Variants in PIK3AP1 observed in about 807,000 individuals in gnomAD.
PIK3AP1 encodes phosphoinositide 3-kinase adapter protein 1.
A neutral mutation model predicts 88.1 loss-of-function variants in PIK3AP1; 21 were observed. That is an observed-to-expected ratio of 0.24 (90% CI 0.17 to 0.34). The LOEUF (loss-of-function observed/expected upper bound fraction) is 0.34. Among genes scored for constraint, PIK3AP1 ranks in the 10% least tolerant of loss-of-function variants. The probability of loss-of-function intolerance (pLI) is 1.00; values close to 1 mark genes in which losing one functional copy is unlikely to be tolerated. For missense variants in PIK3AP1, 828 were observed against 1,035.7 expected (o/e 0.80, Z 2.75); for synonymous variants, 398 against 400.0 (o/e 1.00, Z 0.06).
At chr10:96,601,745 G>GAC (rs1848900929) in intron 16 of PIK3AP1, among the ~76,000 whole-genome samples, 1 of 152,128 alleles carries the variant, frequency 6.6e-6, no homozygotes, top group Non-Finnish European at 1.5e-5. Context: ...AATTTTAAAA[G>GAC]TTGACATTTT....
intron 16 of PIK3AP1, among the ~76,000 whole-genome samples, chr10:96,598,862 C>G (rs1293043430): frequency 6.6e-6 from 1 of 152,204 alleles, no homozygotes; most frequent in African/African-American, 2.4e-5. Flanking sequence ...AGTGGCAGAG[C>G]TCACTGGGAA....
chr10:96,696,077 A>G (rs1055073292), intron 2 of PIK3AP1, among the ~76,000 whole-genome samples: 1 of 152,206 alleles, frequency 6.6e-6, no homozygotes, highest in African/African-American at 2.4e-5. Context: ...CTTTTCTGCA[A>G]CTGGGACATT....
intron 8 of PIK3AP1, among the ~76,000 whole-genome samples, chr10:96,640,483 C>G (rs1157568381): frequency 6.6e-6 from 1 of 152,070 alleles, no homozygotes; most frequent in Non-Finnish European, 1.5e-5. Context: ...ATATCATTCT[C>G]CAAGGTAAGG....
intron 2 of PIK3AP1, among the ~76,000 whole-genome samples, chr10:96,662,461 G>C (rs1843700923): frequency 6.6e-6 from 1 of 151,848 alleles, no homozygotes; most frequent in African/African-American, 2.4e-5. Context: ...AAATTAGCCA[G>C]GCATGGTGGT....
chr10:96,687,276 AAAAAAAAAAG>A lies in PIK3AP1; in HGVS notation c.430+22281_430+22290del, dbSNP rs1187775714. On this transcript the variant is annotated intron_variant, in intron 2 of 16. Coordinates refer to ENST00000339364, the MANE Select transcript of PIK3AP1 (RefSeq NM_152309.3). ...ATCTCAAAAAAAAAAAAAAAAAAAAAAAAAAAAAAGAAAAAAGATCTCCTCCTTTCAAGGA... is the reference window on the plus strand; with the variant it reads ...ATCTCAAAAAAAAAAAAAAAAAAAAAAAAAAAGATCTCCTCCTTTCAAGGA... Among the ~76,000 whole-genome samples, 684 of 135,500 alleles carry A rather than the reference AAAAAAAAAAG, an allele frequency of 5.0e-3. 29 individuals are homozygous for A. The highest frequency in any genetic ancestry group is 0.024 in the African/African-American group (639 of 26,884). 88.9% of individuals were successfully genotyped at this position (135,500 alleles called of 152,430 possible).
intron 1 of PIK3AP1, among the ~76,000 whole-genome samples, chr10:96,715,616 C>T (rs79957635): frequency 0.013 from 2,024 of 152,232 alleles, 61 homozygotes; most frequent in African/African-American, 0.046. Flanking sequence ...TGAGGCTGGG[C>T]GCGGTGGCTC....
At chr10:96,616,259 A>T (rs1278116678) in intron 13 of PIK3AP1, among the ~76,000 whole-genome samples, 1 of 152,188 alleles carries the variant, frequency 6.6e-6, no homozygotes, top group Non-Finnish European at 1.5e-5. Context: ...AATCAGAAAT[A>T]GACACTGGGT....
At chr10:96,648,591 G>T in intron 7 of PIK3AP1, 68 bp downstream of exon 7, 1 of 1,476,970 alleles carries the variant, frequency 6.8e-7, no homozygotes, top group Non-Finnish European at 9.1e-7. Context: ...TCGTATTTTG[G>T]GTGAAAGGGC....
At chr10:96,668,666 G>T (rs1382490949) in intron 2 of PIK3AP1, among the ~76,000 whole-genome samples, 1 of 152,084 alleles carries the variant, frequency 6.6e-6, no homozygotes, top group Non-Finnish European at 1.5e-5. Context: ...AAAGTAGGGG[G>T]GTATCGTGGT....
chr10:96,692,202 T>C (rs1235102234), intron 2 of PIK3AP1, among the ~76,000 whole-genome samples: 1 of 152,170 alleles, frequency 6.6e-6, no homozygotes, highest in Non-Finnish European at 1.5e-5. Context: ...GAGGAGGCCT[T>C]AAGAAAATTG....
chr10:96,667,071 A>G (rs1843773829), intron 2 of PIK3AP1, among the ~76,000 whole-genome samples: 1 of 152,250 alleles, frequency 6.6e-6, no homozygotes, highest in Non-Finnish European at 1.5e-5. Context: ...GTGACCTGCC[A>G]CCATGGCAAA....
rs1327979283 is a variant in PIK3AP1, at chr10:96,628,266, T to G, written c.1471+132A>C. ...AGGGGTCGGGGGAGGCAGAGTGCCTTTATTCACATCACATGCCATGTATGC... is the reference window on the plus strand; with the variant it reads ...AGGGGTCGGGGGAGGCAGAGTGCCTGTATTCACATCACATGCCATGTATGC... On this transcript the variant is annotated intron_variant, in intron 9 of 16. Coordinates refer to ENST00000339364, the MANE Select transcript of PIK3AP1 (RefSeq NM_152309.3). 2.1e-5 allele frequency: 17 copies of G among 813,860 alleles called. No individual in the cohort carries two copies. The South Asian group carries it at 2.4e-4, about 12-fold the overall frequency. The allele number at this position is 813,860 out of a possible 1,614,324, so 50.4% of individuals were successfully genotyped here.
At chr10:96,662,740 G>A (rs1435641149) in intron 2 of PIK3AP1, among the ~76,000 whole-genome samples, 2 of 149,898 alleles carry the variant, frequency 1.3e-5, no homozygotes, top group East Asian at 3.9e-4. Flanking sequence ...AAATTAGCCG[G>A]GCGCGGTGGC....
intron 8 of PIK3AP1, among the ~76,000 whole-genome samples, chr10:96,642,096 G>C (rs2134224546): frequency 6.6e-6 from 1 of 152,158 alleles, no homozygotes; most frequent in South Asian, 2.1e-4. Context: ...ACCATGTCTA[G>C]AGTTAGAAAA....
chr10:96,645,734 G>T, intron 7 of PIK3AP1, 72 bp from the exon 8 acceptor site: 1 of 1,353,464 alleles, frequency 7.4e-7, no homozygotes, highest in Non-Finnish European at 1.0e-6. Flanking sequence ...GCCCCCGAAG[G>T]CACTTGTGGC....
intron 2 of PIK3AP1, among the ~76,000 whole-genome samples, chr10:96,684,359 G>T (rs1844041489): frequency 6.6e-6 from 1 of 152,232 alleles, no homozygotes; most frequent in Non-Finnish European, 1.5e-5. Context: ...TGGGATGCTG[G>T]TTTCCTCCCA....
At chr10:96,652,536 G>T (rs1420923077) in intron 4 of PIK3AP1, among the ~76,000 whole-genome samples, 162 bp downstream of exon 4, 1 of 151,748 alleles carries the variant, frequency 6.6e-6, no homozygotes, top group African/African-American at 2.4e-5. Context: ...TCATGCCACT[G>T]CACTCCAGCC....
At chr10:96,618,261 C>G (rs1012395410) in intron 12 of PIK3AP1, among the ~76,000 whole-genome samples, 2 of 152,230 alleles carry the variant, frequency 1.3e-5, no homozygotes, top group Non-Finnish European at 2.9e-5. Flanking sequence ...TGTAAAAAAC[C>G]TGCACGTTGT....
chr10:96,710,662 G>A (rs1222721703), intron 1 of PIK3AP1, among the ~76,000 whole-genome samples: 1 of 152,080 alleles, frequency 6.6e-6, no homozygotes, highest in Non-Finnish European at 1.5e-5. Context: ...CACTTATATA[G>A]AGGTTACTAT....
Sources: gnomAD v4.1 joint callset for allele counts (sites outside exome capture counted in the v4.1 genomes callset) on GRCh38, gnomAD v4.1.1 for gene constraint, MANE v1.5 for transcripts, NCBI Gene and HGNC (gene_info 2026-07-23, HGNC 2026-07-21) for gene names.